The following NACC1 variants were observed in gnomAD, a reference collection of about 807,000 sequenced individuals.
The protein encoded by NACC1 is nucleus accumbens associated 1.
A neutral mutation model predicts 41.7 loss-of-function variants in NACC1; 6 were observed. The observed-to-expected ratio is 0.14, with a 90% CI of 0.08 to 0.28. The LOEUF (loss-of-function observed/expected upper bound fraction) is 0.28, where lower values mean the gene tolerates loss of function less well. Among genes scored for constraint, NACC1 ranks in the 10% least tolerant of loss-of-function variants. The pLI is 1.00. For missense variants in NACC1, 434 were observed against 763.7 expected (o/e 0.57, Z 5.09); for synonymous variants, 338 against 330.6 (o/e 1.02, Z -0.24).
Position 13,138,548 on chromosome 19 carries a change from C to G in NACC1, c.*142C>G. 7.8e-7 allele frequency: 1 copy of G among 1,277,834 alleles called. No homozygotes were observed. Among genetic ancestry groups the G allele is most frequent in the Non-Finnish European group, 1.1e-6 (1 of 940,650 alleles). 79.2% of individuals were successfully genotyped at this position (1,277,834 alleles called of 1,614,324 possible). A position where few individuals can be genotyped will look rare whatever the true frequency, so the allele number is the denominator to read the frequency against. On this transcript the variant is annotated 3_prime_UTR_variant, in exon 6 of 6. Coordinates refer to ENST00000292431, the MANE Select transcript of NACC1 (RefSeq NM_052876.4). This position sits in a 1 kb window ranked among gnomAD's most constrained non-coding sequence, Gnocchi z 5.7. ...TTCCCGGCCCTCTGCCCCTCCTGTC[C>G]TACCCCCTTTCCCCACCGAGAGCTG...
intron 1 of NACC1, among the ~76,000 whole-genome samples, chr19:13,121,162 C>T (rs937786863): frequency 1.3e-5 from 2 of 152,040 alleles, no homozygotes; most frequent in Non-Finnish European, 2.9e-5. Context: ...TCCCGGAGAG[C>T]TAAGATCTGA....
chr19:13,126,917 G>A (rs2019569747), intron 1 of NACC1, among the ~76,000 whole-genome samples: 1 of 151,970 alleles, frequency 6.6e-6, no homozygotes, highest in Non-Finnish European at 1.5e-5. Flanking sequence ...CCCTGCCCCA[G>A]GGAAACTGAC....
In NACC1 at chr19:13,138,633, ACT is replaced by A; in HGVS notation, c.*229_*230del. The A allele has an allele frequency of 1.6e-6, 1 of 606,562 alleles. No homozygotes were observed. Among genetic ancestry groups the A allele is most frequent in the Non-Finnish European group, 2.9e-6 (1 of 350,662 alleles). 37.6% of individuals were successfully genotyped at this position (606,562 alleles called of 1,614,324 possible). A position where few individuals can be genotyped will look rare whatever the true frequency, so the allele number is the denominator to read the frequency against. On this transcript the variant is annotated 3_prime_UTR_variant, in exon 6 of 6. Transcript: ENST00000292431. This position sits in a 1 kb window ranked among gnomAD's most constrained non-coding sequence, Gnocchi z 5.7. Reference sequence around the variant, plus strand: ...GTCCGTGTTGCCTTCTTTAACACACACTCGTGCAGTGGGGGAGTTCTGGCTCC... The same window carrying A: ...GTCCGTGTTGCCTTCTTTAACACACACGTGCAGTGGGGGAGTTCTGGCTCC...
chr19:13,129,219 G>A, intron 1 of NACC1, among the ~76,000 whole-genome samples: 1 of 152,104 alleles, frequency 6.6e-6, no homozygotes, highest in East Asian at 1.9e-4. Flanking sequence ...TGACTTAGGT[G>A]GGGATTTGGT....
At chr19:13,130,535 C>CTTT (rs34032574) in intron 1 of NACC1, among the ~76,000 whole-genome samples, 7 of 128,616 alleles carry the variant, frequency 5.4e-5, no homozygotes, top group South Asian at 2.5e-4. Context: ...TTTTTCTTTT[C>CTTT]TTTTTTTTTT....
Position 13,138,767 on chromosome 19 carries a change from C to T in NACC1, c.*361C>T, listed in dbSNP as rs998889284. Reference sequence around the variant, plus strand: ...CCTCCCCAGGCCCTAGGCCACCTCGCGGAAGCCTTCAGCCTCCGCCCCTCA... The same window carrying T: ...CCTCCCCAGGCCCTAGGCCACCTCGTGGAAGCCTTCAGCCTCCGCCCCTCA... On this transcript the variant is annotated 3_prime_UTR_variant, in exon 6 of 6. Transcript: ENST00000292431. This position sits in a 1 kb window ranked among gnomAD's most constrained non-coding sequence, Gnocchi z 5.7. The T allele has an allele frequency of 6.9e-5, 19 of 276,234 alleles. No individual in the cohort carries two copies. The highest frequency in any genetic ancestry group is 1.1e-4 in the African/African-American group (5 of 46,234). The allele number at this position is 276,234 out of a possible 1,614,324, so 17.1% of individuals were successfully genotyped here. A position where few individuals can be genotyped will look rare whatever the true frequency, so the allele number is the denominator to read the frequency against.
chr19:13,123,460 G>A (rs2019525162), intron 1 of NACC1, among the ~76,000 whole-genome samples: 1 of 152,204 alleles, frequency 6.6e-6, no homozygotes. Flanking sequence ...GGAGGAGGGA[G>A]AGGCAGCACG....
chr19:13,122,299 G>A (rs534401771), intron 1 of NACC1, among the ~76,000 whole-genome samples: 2 of 152,250 alleles, frequency 1.3e-5, no homozygotes, highest in African/African-American at 4.8e-5. Flanking sequence ...GGTAGGTAAG[G>A]GTGAGCAGAC....
intron 1 of NACC1, among the ~76,000 whole-genome samples, chr19:13,127,243 A>G (rs905585036): frequency 2.3e-4 from 35 of 149,222 alleles, no homozygotes; most frequent in Admixed American, 1.8e-3. Flanking sequence ...CATGCCTATA[A>G]TCGCAGGGTT....
In NACC1 at chr19:13,135,950, C is replaced by T. The variant is rs996196343; in HGVS notation, c.743C>T (p.Ala248Val). ...GAGQPAGGVA[A>V]AGGVVSGPST... The stretch of plus-strand genomic sequence containing the variant: ...GGGCAGCCAGCCGGTGGGGTGGCAG[C>T]AGCAGGGGGTGTGGTGAGTGGGCCC... The change falls in exon 2 of 6, where the codon GCA (alanine) becomes GTA (valine). Residue 248 changes from alanine (A) to valine (V), a missense_variant. Transcript: ENST00000292431. The T allele has an allele frequency of 1.3e-6, 2 of 1,598,288 alleles. No homozygotes were observed. The highest frequency in any genetic ancestry group is 1.7e-6 in the Non-Finnish European group (2 of 1,173,620).
intron 1 of NACC1, among the ~76,000 whole-genome samples, chr19:13,125,886 A>G (rs1408815242): frequency 6.6e-6 from 1 of 151,700 alleles, no homozygotes; most frequent in Non-Finnish European, 1.5e-5. Flanking sequence ...ACAGGCGTGC[A>G]CCACTGCGCC....
intron 1 of NACC1, among the ~76,000 whole-genome samples, chr19:13,134,497 A>C (rs2019674185): frequency 6.6e-6 from 1 of 151,898 alleles, no homozygotes; most frequent in Non-Finnish European, 1.5e-5. Flanking sequence ...CAGCCTCCCT[A>C]GTAGCTGGGA....
chr19:13,137,208 G>A lies in NACC1; in HGVS notation c.1121-63G>A, dbSNP rs1034393990. On this transcript the variant is annotated intron_variant, in intron 3 of 5. Coordinates refer to ENST00000292431, the MANE Select transcript of NACC1 (RefSeq NM_052876.4). This position sits in a 1 kb window ranked among gnomAD's most constrained non-coding sequence, Gnocchi z 6.1. ...CTGGGGTGTTCTGAGATGAGGCCTG[G>A]TATCATGGGGGCTGTGGCGGTTTGG... 9.9e-6 allele frequency: 15 copies of A among 1,513,164 alleles called. No homozygotes were observed. The highest frequency in any genetic ancestry group is 1.3e-5 in the Non-Finnish European group (14 of 1,091,638). 93.7% of individuals were successfully genotyped at this position (1,513,164 alleles called of 1,614,324 possible). A position where few individuals can be genotyped will look rare whatever the true frequency, so the allele number is the denominator to read the frequency against.
chr19:13,134,957 C>T lies in NACC1; in HGVS notation c.-8-243C>T, dbSNP rs1177104057. On this transcript the variant is annotated intron_variant, in intron 1 of 5. Transcript: ENST00000292431. ...GCCCCCTCCTCTTTGCAAGGGATAGCGTGTGGCCACCCTGGTCTGCAGCTA... is the reference window on the plus strand; with the variant it reads ...GCCCCCTCCTCTTTGCAAGGGATAGTGTGTGGCCACCCTGGTCTGCAGCTA... Among the ~76,000 whole-genome samples the T allele has an allele frequency of 4.6e-5, 7 of 152,220 alleles. No individual in the cohort carries two copies. In the East Asian group the frequency reaches 1.2e-3, roughly 25 times the overall value.
rs1422505488 is a variant in NACC1, at chr19:13,137,516, C to T, written c.1265C>T (p.Ser422Phe). The part of the protein sequence containing the change: ...LANSCGTGIR[S>F]STNDPRRKPL... ...AACAGCTGCGGCACCGGCATCCGCTCTTCTACCAACGATCCCCGTCGGAAG... is the reference window on the plus strand; with the variant it reads ...AACAGCTGCGGCACCGGCATCCGCTTTTCTACCAACGATCCCCGTCGGAAG... Residue 422 changes from serine to phenylalanine, a missense_variant, in exon 5 of 6, where the codon TCT (serine) becomes TTT (phenylalanine). Around this residue, in one of 4 missense-constraint regions of NACC1, gnomAD observed 70 missense variants for 206.9 expected, o/e 0.34. Transcript: ENST00000292431. The surrounding 1 kb of genome is among the most constrained non-coding windows in gnomAD (Gnocchi z 6.1). The T allele has an allele frequency of 6.3e-7, 1 of 1,589,198 alleles. No individual in the cohort carries two copies. Among genetic ancestry groups the T allele is most frequent in the Admixed American group, 1.8e-5 (1 of 55,190 alleles).
At chr19:13,122,769 A>G (rs1468310542) in intron 1 of NACC1, among the ~76,000 whole-genome samples, 3 of 152,148 alleles carry the variant, frequency 2.0e-5, no homozygotes, top group East Asian at 1.9e-4. Context: ...TGTTAATCCC[A>G]TGAAATGTGC....
intron 1 of NACC1, among the ~76,000 whole-genome samples, chr19:13,129,551 A>G (rs890751525): frequency 6.6e-6 from 1 of 152,100 alleles, no homozygotes; most frequent in Non-Finnish European, 1.5e-5. Context: ...GCCACTGGGG[A>G]ACTAGACGAA....
intron 1 of NACC1, among the ~76,000 whole-genome samples, chr19:13,122,032 G>A (rs923300696): frequency 2.6e-5 from 4 of 152,124 alleles, no homozygotes; most frequent in Non-Finnish European, 4.4e-5. Flanking sequence ...TTCCCCTAGA[G>A]AACCCTCTGG....
intron 1 of NACC1, among the ~76,000 whole-genome samples, chr19:13,125,816 T>G (rs1156852438): frequency 6.6e-6 from 1 of 152,104 alleles, no homozygotes; most frequent in Non-Finnish European, 1.5e-5. Flanking sequence ...CTTGGCTCGC[T>G]GCAACTTCCA....
Sources: gnomAD v4.1 joint callset for allele counts (sites outside exome capture counted in the v4.1 genomes callset) on GRCh38, gnomAD v4.1.1 for gene constraint, gnomAD v4.1.1 regional missense constraint, Gnocchi (gnomAD v3.1) non-coding constraint, MANE v1.5 for transcripts, NCBI Gene and HGNC (gene_info 2026-07-23, HGNC 2026-07-21) for gene names.